The following PDE4D variants were observed in gnomAD, a reference collection of about 807,000 sequenced individuals.
PDE4D encodes phosphodiesterase 4D, also known as 3',5'-cyclic-AMP phosphodiesterase 4D.
In PDE4D, 24 loss-of-function variants were observed where a neutral mutation model predicts 87.4. The observed-to-expected ratio is 0.27, with a 90% CI of 0.20 to 0.39. PDE4D has a LOEUF of 0.39. Among genes scored for constraint, PDE4D ranks in the 10% least tolerant of loss-of-function variants. The pLI, the probability that PDE4D is intolerant of heterozygous loss-of-function variation, is 1.00. For synonymous variants in PDE4D, 384 were observed against 383.2 expected, an observed-to-expected ratio of 1.00 and a Z score of -0.02; for missense variants, 714 against 1,041.0, an observed-to-expected ratio of 0.69 and a Z score of 4.32.
At chr5:59,677,083 C>G (rs1748213991) in intron 1 of PDE4D, among the ~76,000 whole-genome samples, 1 of 151,524 alleles carries the variant, frequency 6.6e-6, no homozygotes, top group Admixed American at 6.6e-5. Context: ...AGCCCTATCT[C>G]CAAATACTCC....
At chr5:59,484,583 T>C (rs1373146890) in intron 1 of PDE4D, among the ~76,000 whole-genome samples, 4 of 152,216 alleles carry the variant, frequency 2.6e-5, no homozygotes, top group African/African-American at 9.6e-5. Context: ...TGCAATGATG[T>C]CCGTTCCCCT....
rs552193266 is a variant in PDE4D, at chr5:60,362,428, T to C, written c.-90+125514A>G. ...CATTTAACAGAATTTCACATTTTTC[T>C]GCCACATGGTAACAATAAGGATGAT... On this transcript the variant is annotated intron_variant, in intron 1 of 16. Transcript: ENST00000502484. Among the ~76,000 whole-genome samples the C allele has an allele frequency of 3.7e-4, 56 of 152,358 alleles. 1 individual carries two copies. Among genetic ancestry groups the C allele is most frequent in the African/African-American group, 1.3e-3 (55 of 41,590 alleles).
At chr5:60,467,700 T>G (rs1442009149) in intron 1 of PDE4D, among the ~76,000 whole-genome samples, 1 of 152,180 alleles carries the variant, frequency 6.6e-6, no homozygotes, top group Non-Finnish European at 1.5e-5. Flanking sequence ...AGAGGTCCGA[T>G]TAACTCCCAG....
chr5:59,875,926 A>G (rs1168973522), intron 1 of PDE4D, among the ~76,000 whole-genome samples: 4 of 152,188 alleles, frequency 2.6e-5, no homozygotes, highest in Admixed American at 2.0e-4. Context: ...ACATGGGCAC[A>G]TAGAGGGGAA....
chr5:59,806,868 A>G (rs1301543632), intron 1 of PDE4D, among the ~76,000 whole-genome samples: 1 of 152,252 alleles, frequency 6.6e-6, no homozygotes, highest in African/African-American at 2.4e-5. Context: ...AAAACAATAT[A>G]TAGACAATGA....
intron 2 of PDE4D, among the ~76,000 whole-genome samples, chr5:60,114,862 CTA>C (rs1398902808): frequency 1.3e-4 from 19 of 150,608 alleles, no homozygotes; most frequent in Admixed American, 1.3e-3. Flanking sequence ...ATACATATAA[CTA>C]TGTGTGTATG....
chr5:59,853,253 T>C (rs1744946926), intron 1 of PDE4D, among the ~76,000 whole-genome samples: 1 of 152,068 alleles, frequency 6.6e-6, no homozygotes, highest in African/African-American at 2.4e-5. Flanking sequence ...TCGACTCTGC[T>C]AATTTTTCAC....
intron 1 of PDE4D, among the ~76,000 whole-genome samples, chr5:59,405,436 C>G (rs1039086013): frequency 6.6e-6 from 1 of 152,286 alleles, no homozygotes. Flanking sequence ...TGTCTTGCAA[C>G]TTTATTGAAT....
chr5:59,871,483 T>C (rs966021608), intron 1 of PDE4D, among the ~76,000 whole-genome samples: 1 of 152,198 alleles, frequency 6.6e-6, no homozygotes, highest in Non-Finnish European at 1.5e-5. Context: ...CAAATGTGTA[T>C]TGTTTTAAGA....
At chr5:59,988,958 A>C (rs554726909) in intron 2 of PDE4D, among the ~76,000 whole-genome samples, 7 of 152,076 alleles carry the variant, frequency 4.6e-5, no homozygotes, top group South Asian at 4.1e-4. Context: ...TAACATCTTC[A>C]GTAATCTTAG....
chr5:60,092,221 T>C (rs1442396609), intron 2 of PDE4D, among the ~76,000 whole-genome samples: 4 of 152,054 alleles, frequency 2.6e-5, no homozygotes, highest in African/African-American at 9.7e-5. Context: ...ATGTTCTTAC[T>C]CATATAAGGA....
At chr5:59,766,916 G>C (rs1399572411) in intron 1 of PDE4D, among the ~76,000 whole-genome samples, 2 of 152,166 alleles carry the variant, frequency 1.3e-5, no homozygotes, top group African/African-American at 2.4e-5. Context: ...ACTCAGAAAT[G>C]CCATCTAGGT....
upstream of PDE4D, chr5:60,488,082 A>T (rs780601492): frequency 6.6e-6 from 1 of 152,664 alleles, no homozygotes; most frequent in Non-Finnish European, 1.5e-5. Context: ...TGCTTCTCGT[A>T]CGCTGGGCTA....
intron 4 of PDE4D, among the ~76,000 whole-genome samples, chr5:59,181,560 ATATATATATATT>A (rs1741578181): frequency 2.1e-5 from 3 of 144,340 alleles, no homozygotes; most frequent in Non-Finnish European, 3.0e-5. Context: ...ATATATATAT[ATATATATATATT>A]AGGTATATAA....
At chr5:59,808,625 G>A (rs1407371917) in intron 1 of PDE4D, among the ~76,000 whole-genome samples, 1 of 151,842 alleles carries the variant, frequency 6.6e-6, no homozygotes, top group Admixed American at 6.6e-5. Flanking sequence ...AAAAGCATGG[G>A]GAACAGATAA....
chr5:60,263,629 G>C (rs985106059), intron 1 of PDE4D, among the ~76,000 whole-genome samples: 1 of 152,170 alleles, frequency 6.6e-6, no homozygotes, highest in Non-Finnish European at 1.5e-5. Context: ...AGGAGGCCTT[G>C]TGAACCCGTT....
At chr5:60,115,163 G>A (rs1778050134) in intron 2 of PDE4D, among the ~76,000 whole-genome samples, 1 of 152,106 alleles carries the variant, frequency 6.6e-6, no homozygotes, top group African/African-American at 2.4e-5. Flanking sequence ...TCCTATTCTT[G>A]TGTGGGGTAC....
intron 1 of PDE4D, among the ~76,000 whole-genome samples, chr5:59,617,226 A>G (rs1829815879): frequency 6.6e-6 from 1 of 151,972 alleles, no homozygotes; most frequent in Non-Finnish European, 1.5e-5. Context: ...TCCATCTTCA[A>G]CCTTGAAGAG....
At chr5:59,376,821 T>G (rs769863245) in intron 1 of PDE4D, among the ~76,000 whole-genome samples, 2 of 152,130 alleles carry the variant, frequency 1.3e-5, no homozygotes, top group Non-Finnish European at 2.9e-5. Flanking sequence ...GGCATGGTAC[T>G]GGTACAAAAA....
Sources: allele counts gnomAD v4.1 joint callset (sites outside exome capture counted in the v4.1 genomes callset), GRCh38; gene constraint gnomAD v4.1.1; transcripts MANE v1.5; gene names NCBI Gene and HGNC (gene_info 2026-07-23, HGNC 2026-07-21).